CES5A: variants seen among roughly 807,000 people sequenced by gnomAD.
CES5A encodes carboxylesterase 5A.
Under a neutral mutation model 62.9 loss-of-function variants are expected in CES5A, and 67 were observed. That is an observed-to-expected ratio of 1.07 (90% CI 0.88 to 1.31). The LOEUF (loss-of-function observed/expected upper bound fraction) is 1.31. CES5A is among the 50% of genes most tolerant of loss of function. The pLI, the probability that CES5A is intolerant of heterozygous loss-of-function variation, is 0.00. For missense variants in CES5A, 748 were observed against 708.5 expected (o/e 1.06, Z -0.63); for synonymous variants, 296 against 280.8 (o/e 1.05, Z -0.54).
intron 1 of CES5A, among the ~76,000 whole-genome samples, chr16:55,898,528 A>G (rs573407076): frequency 1.3e-5 from 2 of 152,234 alleles, no homozygotes; most frequent in Admixed American, 6.5e-5. Flanking sequence ...AGTGAAGTAT[A>G]ATGGCACATC....
chr16:55,934,687 C>A (rs546247707), intron 2 of CES5A, among the ~76,000 whole-genome samples: 1 of 151,338 alleles, frequency 6.6e-6, no homozygotes, highest in Non-Finnish European at 1.5e-5. Flanking sequence ...TGCGCGTGTG[C>A]ATGTGCACAT....
chr16:55,851,766 G>T (rs1352176293), intron 10 of CES5A, among the ~76,000 whole-genome samples: 2 of 152,172 alleles, frequency 1.3e-5, no homozygotes, highest in African/African-American at 4.8e-5. Context: ...TTGCACAATA[G>T]CTGAATGGTG....
chr16:55,852,598 A>G (rs2033153726), intron 10 of CES5A, among the ~76,000 whole-genome samples: 1 of 152,220 alleles, frequency 6.6e-6, no homozygotes, highest in Non-Finnish European at 1.5e-5. Flanking sequence ...GAAAGAAAAA[A>G]TCCTTGGGGA....
rs755985721 is a variant in CES5A at position 55,861,493 on chromosome 16, A to C, written c.834T>G (p.Cys278Trp). 1.2e-6 allele frequency: 2 copies of C among 1,613,300 alleles called. No individual in the cohort carries two copies. The highest frequency in any genetic ancestry group is 2.7e-5 in the African/African-American group (2 of 74,888). The change falls in exon 7 of 13, where the codon TGT (cysteine) becomes TGG (tryptophan). Residue 278 changes from cysteine to tryptophan, a missense_variant. Physicochemically the swap from Cys to Trp is radical, Grantham distance 215. Transcript: ENST00000290567. ...CCTCAGAGTCTGACGCATTGTTACCACAGAAATGTGCAACCACCTGCAGCT... is the reference window on the plus strand; with the variant it reads ...CCTCAGAGTCTGACGCATTGTTACCCCAGAAATGTGCAACCACCTGCAGCT... ...SEDLQVVAHF[C>W]GNNASDSEAL...
intron 2 of CES5A, among the ~76,000 whole-genome samples, chr16:55,931,140 C>G (rs1422523030): frequency 6.6e-6 from 1 of 152,214 alleles, no homozygotes; most frequent in Non-Finnish European, 1.5e-5. Context: ...TAGTCCAGTG[C>G]TTTTTCCACT....
chr16:55,864,866 C>CTGCTTGCCAGCCTGGGCAAT (rs1481415435), intron 5 of CES5A, among the ~76,000 whole-genome samples: 2 of 150,808 alleles, frequency 1.3e-5, no homozygotes, highest in African/African-American at 4.9e-5. Context: ...TATGATCGCC[C>CTGCTTGCCAGCCTGGGCAAT]CACTGCTTGC....
intron 1 of CES5A, among the ~76,000 whole-genome samples, chr16:55,915,789 T>C (rs747311412): frequency 3.3e-5 from 5 of 152,194 alleles, no homozygotes; most frequent in Middle Eastern, 3.2e-3. Flanking sequence ...CCCTGGATTC[T>C]CTCCCGTTTG....
chr16:55,879,863 G>C (rs2033743777), upstream of CES5A, among the ~76,000 whole-genome samples: 1 of 152,224 alleles, frequency 6.6e-6, no homozygotes, highest in African/African-American at 2.4e-5. Context: ...AAAGCTCTGG[G>C]ATTACAGGGG....
chr16:55,873,945 C>A lies in CES5A; in HGVS notation c.166G>T (p.Val56Leu). Residue 56 changes from valine (V) to leucine (L), a missense_variant, in exon 2 of 13, where the codon GTG (valine) becomes TTG (leucine). By Grantham distance (32) the Val-to-Leu change is conservative. Coordinates refer to ENST00000290567, the MANE Select transcript of CES5A (RefSeq NM_001143685.2). ...GCAGCAAAGGGGACTCCGAGGAACA[C>A]GTTCACAGGCACAGGGCTTCCCAGC... ...TVLGSPVPVN[V>L]FLGVPFAAPP... is the part of the protein sequence containing the mutation. The A allele has an allele frequency of 1.2e-6, 2 of 1,613,740 alleles. No individual in the cohort carries two copies. The highest frequency in any genetic ancestry group is 1.7e-6 in the Non-Finnish European group (2 of 1,179,962).
Position 55,849,763 on chromosome 16 carries a change from T to C in CES5A, c.1284A>G (p.Ala428=), listed in dbSNP as rs1567322105. ...ITARYHRDAG[A]PVYFYEFRHR... ...GCCGAAACTCATAGAAGTAGACAGG[T>C]GCACCAGCATCTGACAAAAGGTCAG... The change falls in exon 11 of 13, where the codon GCA becomes GCG. Residue 428 remains alanine (A), a synonymous_variant. Coordinates refer to ENST00000290567, the MANE Select transcript of CES5A (RefSeq NM_001143685.2). 6.2e-7 allele frequency: 1 copy of C among 1,613,762 alleles called. No homozygotes were observed. Among genetic ancestry groups the C allele is most frequent in the East Asian group, 2.2e-5 (1 of 44,858 alleles).
chr16:55,894,321 A>T (rs1375890635), intron 1 of CES5A, among the ~76,000 whole-genome samples: 1 of 151,984 alleles, frequency 6.6e-6, no homozygotes, highest in African/African-American at 2.4e-5. Context: ...AGCCTGGCCA[A>T]CATAGTGAAA....
chr16:55,875,213 C>T lies in CES5A; in HGVS notation c.9G>A (p.Gly3=). 6.2e-7 allele frequency: 1 copy of T among 1,613,560 alleles called. No homozygotes were observed. The highest frequency in any genetic ancestry group is 8.5e-7 in the Non-Finnish European group (1 of 1,179,790). The change falls in exon 1 of 13, where the codon GGG becomes GGA. Residue 3 remains glycine (G), a synonymous_variant. Transcript: ENST00000290567. The part of the protein sequence containing the change: MS[G]NWVHPGQILI... ...GGATCTGGCCTGGGTGCACCCAATT[C>T]CCACTCATTTGGCTGCCTGCCTGCA...
chr16:55,849,611 G>A lies in CES5A; in HGVS notation c.1423+13C>T. 1 of 1,613,670 alleles carries A rather than the reference G, an allele frequency of 6.2e-7. No homozygotes were observed. Among genetic ancestry groups the A allele is most frequent in the Non-Finnish European group, 8.5e-7 (1 of 1,179,670 alleles). ...GGCTTCATGTGAACTGTGGGAAGTG[G>A]CCAGTCCCTTACCGAACATAACAAT... On this transcript the variant is annotated intron_variant, in intron 11 of 12. Transcript: ENST00000290567.
rs116772935 is a variant in CES5A at position 55,936,821 on chromosome 16, T to C, written c.160+12964A>G. Among the ~76,000 whole-genome samples the C allele has an allele frequency of 1.6e-3, 237 of 152,306 alleles. 1 individual carries two copies. The highest frequency in any genetic ancestry group is 5.0e-3 in the African/African-American group (206 of 41,562). On this transcript the variant is annotated intron_variant, in intron 2 of 13. Transcript: ENST00000521992. ...TTGAGTATCTATTAAATATAAAGTA[T>C]TGTACTGTAGCATTTACCAAGTGTT... is the stretch of plus-strand genomic sequence containing the variant.
chr16:55,895,424 T>A (rs2033922107), intron 1 of CES5A, among the ~76,000 whole-genome samples: 1 of 152,232 alleles, frequency 6.6e-6, no homozygotes. Flanking sequence ...CCAGTGTGTT[T>A]TGGATTTGGC....
rs777542692 is a variant in CES5A, at chr16:55,846,836, T to C, written c.1428A>G (p.Gly476=). 1.9e-6 allele frequency: 3 copies of C among 1,613,832 alleles called. No homozygotes were observed. In the South Asian group the frequency reaches 3.3e-5, roughly 18 times the overall value. The part of the protein sequence containing the change: ...FLKGDIVMFE[G]ATEEEKLLSR... The stretch of plus-strand genomic sequence containing the variant: ...TCAGTAACTTCTCCTCCTCCGTGGC[T>C]CCTTCTGAAGGAGATAATCACAAAA... The change falls in exon 12 of 13, where the codon GGA becomes GGG. Residue 476 remains glycine (G), a synonymous_variant. Transcript: ENST00000290567.
At chr16:55,916,779 C>G (rs1270066023) in intron 1 of CES5A, among the ~76,000 whole-genome samples, 1 of 152,218 alleles carries the variant, frequency 6.6e-6, no homozygotes, top group African/African-American at 2.4e-5. Context: ...CTCCTGCTGC[C>G]TAGTCAGGAA....
intron 1 of CES5A, among the ~76,000 whole-genome samples, chr16:55,897,941 G>A (rs1159047716): frequency 7.9e-5 from 12 of 152,156 alleles, no homozygotes; most frequent in Non-Finnish European, 1.5e-4. Context: ...GAATTTCCCA[G>A]ATAAAGTCAA....
intron 1 of CES5A, among the ~76,000 whole-genome samples, chr16:55,911,395 A>G (rs908196637): frequency 3.3e-5 from 5 of 152,232 alleles, no homozygotes; most frequent in Admixed American, 3.3e-4. Context: ...AATAAGGACA[A>G]GAAGAAACGA....
Sources: allele counts gnomAD v4.1 joint callset (sites outside exome capture counted in the v4.1 genomes callset), GRCh38; gene constraint gnomAD v4.1.1; transcripts MANE v1.5; gene names NCBI Gene and HGNC (gene_info 2026-07-23, HGNC 2026-07-21).